ADCY2: variants seen among roughly 807,000 people sequenced by gnomAD.
ADCY2 encodes the protein adenylate cyclase 2, also known as adenylate cyclase type 2.
In ADCY2, 31 loss-of-function variants were observed where a neutral mutation model predicts 125.2. The observed-to-expected ratio is 0.25, with a 90% confidence interval of 0.19 to 0.33. The LOEUF is 0.33. ADCY2 is among the 10% of genes least tolerant of loss of function. The pLI is 1.00. For synonymous variants in ADCY2, 512 were observed against 548.4 expected, an observed-to-expected ratio of 0.93 and a Z score of 0.93; for missense variants, 904 against 1,418.2, an observed-to-expected ratio of 0.64 and a Z score of 5.82.
chr5:7,583,347 T>G (rs574091963), intron 3 of ADCY2, among the ~76,000 whole-genome samples: 1 of 152,230 alleles, frequency 6.6e-6, no homozygotes, highest in South Asian at 2.1e-4. Flanking sequence ...GATTATAATA[T>G]TTATATTGAA....
chr5:7,804,069 A>AGAGAGAGAGCGAGAGC lies in ADCY2; in HGVS notation c.2776-511_2776-510insAGAGCGAGAGCGAGAG, dbSNP rs1553990875. Among the ~76,000 whole-genome samples the AGAGAGAGAGCGAGAGC allele has an allele frequency of 4.3e-5, 6 of 140,510 alleles. No homozygotes were observed. The South Asian group carries it at 9.0e-4, about 21-fold the overall frequency. The allele number at this position is 140,510 out of a possible 152,430, so 92.2% of individuals were successfully genotyped here. A position where few individuals can be genotyped will look rare whatever the true frequency, so the allele number is the denominator to read the frequency against. The stretch of plus-strand genomic sequence containing the variant: ...GAGAGAGAGAGAGAGAGAGAGAGAG[A>AGAGAGAGAGCGAGAGC]GAGAGCTGGTTTCTCTTCCTAATAC... On this transcript the variant is annotated intron_variant, in intron 21 of 24. Transcript: ENST00000338316.
At position 7,398,356 on chromosome 5, in the gene ADCY2, C is replaced by T. The variant is rs147132413; in HGVS notation, c.210+1850C>T. 2.9e-3 allele frequency among the ~76,000 whole-genome samples: 438 copies of T among 152,272 alleles called. 1 individual carries two copies. Among genetic ancestry groups the T allele is most frequent in the African/African-American group, 0.01 (423 of 41,532 alleles). ...TTAGCATTATTGGGCTTAAAGCACCCTTCTTTGAATTGTCTTTGTTCTTTG... is the reference window on the plus strand; with the variant it reads ...TTAGCATTATTGGGCTTAAAGCACCTTTCTTTGAATTGTCTTTGTTCTTTG... On this transcript the variant is annotated intron_variant, in intron 1 of 24. Coordinates refer to ENST00000338316, the MANE Select transcript of ADCY2 (RefSeq NM_020546.3).
intron 2 of ADCY2, among the ~76,000 whole-genome samples, chr5:7,487,303 C>A (rs890382409): frequency 2.6e-5 from 4 of 152,154 alleles, no homozygotes; most frequent in East Asian, 1.9e-4. Flanking sequence ...CTCAGAGGAG[C>A]CTTCTCTGAA....
intron 14 of ADCY2, among the ~76,000 whole-genome samples, chr5:7,731,983 C>T (rs1279536119): frequency 2.0e-5 from 3 of 152,120 alleles, no homozygotes; most frequent in Non-Finnish European, 4.4e-5. Flanking sequence ...TAAGTCTGTC[C>T]TTGTATTATC....
intron 2 of ADCY2, among the ~76,000 whole-genome samples, chr5:7,420,850 T>C (rs1740175150): frequency 6.6e-6 from 1 of 152,208 alleles, no homozygotes; most frequent in African/African-American, 2.4e-5. Context: ...GCTGTTAGGA[T>C]GGCTGTGAGG....
chr5:7,609,258 A>G (rs1737490197), intron 3 of ADCY2, among the ~76,000 whole-genome samples: 1 of 152,244 alleles, frequency 6.6e-6, no homozygotes, highest in East Asian at 1.9e-4. Context: ...AAGCAACTAC[A>G]AAGTTTTCTC....
intron 4 of ADCY2, chr5:7,685,048 A>AT (rs1740471682): frequency 6.6e-6 from 1 of 152,228 alleles, no homozygotes; most frequent in South Asian, 2.1e-4. Context: ...GCCCTTCTTC[A>AT]TCCTCCTCCC....
chr5:7,533,851 C>T (rs944102906), intron 3 of ADCY2, among the ~76,000 whole-genome samples: 2 of 151,990 alleles, frequency 1.3e-5, no homozygotes, highest in Admixed American at 6.6e-5. Flanking sequence ...TTGGTATGAC[C>T]GTTGCTGCTT....
intron 4 of ADCY2, among the ~76,000 whole-genome samples, chr5:7,638,100 G>A (rs868078170): frequency 6.6e-6 from 1 of 152,136 alleles, no homozygotes; most frequent in African/African-American, 2.4e-5. Flanking sequence ...CTGTGGACTC[G>A]GGCACCTGGT....
chr5:7,556,732 A>G (rs1169968580), intron 3 of ADCY2, among the ~76,000 whole-genome samples: 1 of 152,138 alleles, frequency 6.6e-6, no homozygotes, highest in Non-Finnish European at 1.5e-5. Flanking sequence ...CTCTGTTACA[A>G]CAGCAGCAGC....
intron 15 of ADCY2, among the ~76,000 whole-genome samples, chr5:7,755,475 G>A (rs1742964666): frequency 6.6e-6 from 1 of 152,024 alleles, no homozygotes; most frequent in African/African-American, 2.4e-5. Flanking sequence ...AGATATAAAG[G>A]AAATAGGATT....
At chr5:7,569,884 T>C (rs1736018434) in intron 3 of ADCY2, among the ~76,000 whole-genome samples, 2 of 152,304 alleles carry the variant, frequency 1.3e-5, no homozygotes, top group Non-Finnish European at 2.9e-5. Flanking sequence ...TTCAGTCTTC[T>C]ACTCACACGT....
intron 20 of ADCY2, chr5:7,801,749 T>C (rs933690782): frequency 6.4e-6 from 1 of 155,742 alleles, no homozygotes; most frequent in Non-Finnish European, 1.4e-5. Flanking sequence ...TGGTTCTTTC[T>C]GGTGTAATAA....
chr5:7,666,922 G>C (rs887557653), intron 4 of ADCY2, among the ~76,000 whole-genome samples: 4 of 152,146 alleles, frequency 2.6e-5, no homozygotes, highest in African/African-American at 9.7e-5. Context: ...TTAATTACTA[G>C]TCTCAGCTTC....
At chr5:7,509,773 T>A (rs923524926) in intron 2 of ADCY2, among the ~76,000 whole-genome samples, 1 of 152,234 alleles carries the variant, frequency 6.6e-6, no homozygotes, top group East Asian at 1.9e-4. Context: ...GGTAACTGTA[T>A]GGGAAAGATA....
chr5:7,695,506 A>G (rs1392098180), intron 5 of ADCY2, among the ~76,000 whole-genome samples: 1 of 152,148 alleles, frequency 6.6e-6, no homozygotes, highest in Non-Finnish European at 1.5e-5. Context: ...CTCAGTACAA[A>G]CAGAATTTTT....
At chr5:7,436,740 C>T (rs1179994102) in intron 2 of ADCY2, among the ~76,000 whole-genome samples, 1 of 152,204 alleles carries the variant, frequency 6.6e-6, no homozygotes, top group Non-Finnish European at 1.5e-5. Flanking sequence ...CTTGTGGGCT[C>T]CTGAGACAGC....
In ADCY2 at chr5:7,828,147, T is replaced by C. The variant is rs1175225691; in HGVS notation, c.*1276T>C. On this transcript the variant is annotated 3_prime_UTR_variant, in exon 25 of 25. Transcript: ENST00000338316. ...TCATACTTTGCCAAATAGTGAAAAG[T>C]AGAGCAATCGTGTATAAGCTAATGT... 6.5e-6 allele frequency: 1 copy of C among 152,836 alleles called. No individual in the cohort carries two copies. Among genetic ancestry groups the C allele is most frequent in the African/African-American group, 2.4e-5 (1 of 41,480 alleles). 9.5% of individuals were successfully genotyped at this position (152,836 alleles called of 1,614,324 possible). A position where few individuals can be genotyped will look rare whatever the true frequency, so the allele number is the denominator to read the frequency against.
intron 18 of ADCY2, among the ~76,000 whole-genome samples, chr5:7,774,936 A>G (rs552931415): frequency 3.3e-5 from 5 of 152,322 alleles, no homozygotes; most frequent in African/African-American, 4.8e-5. Flanking sequence ...AAATAATTGC[A>G]TCATGGAGAA....
Sources: allele counts gnomAD v4.1 joint callset (sites outside exome capture counted in the v4.1 genomes callset), GRCh38; gene constraint gnomAD v4.1.1; transcripts MANE v1.5; gene names NCBI Gene and HGNC (gene_info 2026-07-23, HGNC 2026-07-21).